The following DLST variants were observed in gnomAD, a reference collection of about 807,000 sequenced individuals.
DLST encodes the protein dihydrolipoyllysine-residue succinyltransferase component of 2-oxoglutarate dehydrogenase complex, mitochondrial.
A neutral mutation model predicts 53.1 loss-of-function variants in DLST; 17 were observed. The observed-to-expected ratio is 0.32, with a 90% CI of 0.22 to 0.48. DLST has a LOEUF of 0.48. DLST is among the 20% of genes least tolerant of loss of function. The probability of loss-of-function intolerance (pLI) is 0.99; values close to 1 mark genes in which losing one functional copy is unlikely to be tolerated. For synonymous variants in DLST, 206 were observed against 204.8 expected (o/e 1.01, Z -0.05); for missense variants, 512 against 583.9 (o/e 0.88, Z 1.27).
At chr14:74,894,974 TC>T (rs1871341763) in intron 10 of DLST, among the ~76,000 whole-genome samples, 1 of 151,960 alleles carries the variant, frequency 6.6e-6, no homozygotes, top group South Asian at 2.1e-4. Flanking sequence ...ACACCTGTAA[TC>T]CTGGCACTTT....
chr14:74,900,246 T>C, intron 12 of DLST, 43 bp from the exon 13 acceptor site: 1 of 1,560,100 alleles, frequency 6.4e-7, no homozygotes, highest in Non-Finnish European at 8.8e-7. Flanking sequence ...CTATAAAAGG[T>C]ACTATTAATT....
intron 10 of DLST, among the ~76,000 whole-genome samples, chr14:74,896,540 C>T (rs1352694530): frequency 1.3e-5 from 2 of 152,150 alleles, no homozygotes; most frequent in African/African-American, 2.4e-5. Context: ...CTTGATAGTG[C>T]GCTGTGGCAT....
intron 7 of DLST, among the ~76,000 whole-genome samples, chr14:74,892,354 C>T (rs556348346): frequency 7.2e-5 from 11 of 152,162 alleles, no homozygotes; most frequent in Middle Eastern, 3.4e-3. Context: ...GGGAGTAATC[C>T]CTTGGCCTGT....
At chr14:74,890,588 G>T (rs1883869906) in intron 6 of DLST, among the ~76,000 whole-genome samples, 1 of 152,208 alleles carries the variant, frequency 6.6e-6, no homozygotes, top group African/African-American at 2.4e-5. Context: ...TCTGAGAAAG[G>T]ACAGAAAGTG....
chr14:74,901,235 T>A lies in DLST; in HGVS notation c.1227+2T>A. ...AGGCCAGTGGCTATAGGAGGCAAGGTAGGAACCGTCACTTCTAAGGTCCTA... is the reference window on the plus strand; with the variant it reads ...AGGCCAGTGGCTATAGGAGGCAAGGAAGGAACCGTCACTTCTAAGGTCCTA... On this transcript the variant is annotated splice_donor_variant, in intron 14 of 14. Coordinates refer to ENST00000334220, the MANE Select transcript of DLST (RefSeq NM_001933.5). LOFTEE classifies it high-confidence loss of function. 6.2e-7 allele frequency: 1 copy of A among 1,613,552 alleles called. No homozygotes were observed. The highest frequency in any genetic ancestry group is 8.5e-7 in the Non-Finnish European group (1 of 1,179,816).
chr14:74,897,937 G>GTTTTT (rs1566794710), intron 10 of DLST, among the ~76,000 whole-genome samples: 1 of 144,898 alleles, frequency 6.9e-6, no homozygotes. Context: ...GATTTGGTGG[G>GTTTTT]GTTTTTTTTT....
intron 14 of DLST, 79 bp downstream of exon 14, chr14:74,901,312 A>T: frequency 7.3e-7 from 1 of 1,367,300 alleles, no homozygotes; most frequent in South Asian, 1.3e-5. Context: ...ATTGTAAAAC[A>T]TTAACTATAA....
At chr14:74,900,131 C>A in intron 12 of DLST, 135 bp downstream of exon 12, 1 of 1,078,302 alleles carries the variant, frequency 9.3e-7, no homozygotes, top group East Asian at 2.4e-5. Flanking sequence ...CCTTTTTTTT[C>A]TTTTAAACCA....
In DLST at chr14:74,891,136, C is replaced by T. The variant is rs377247171; in HGVS notation, c.411C>T (p.Gly137=). ...LVPDGGKVEG[G]TPLFTLRKTG... ...CTGATGGGGGAAAAGTCGAAGGAGG[C>T]ACTCCACTTTTCACACTCAGGAAAA... Residue 137 remains glycine (G), a synonymous_variant, in exon 7 of 15, where the codon GGC becomes GGT. Coordinates refer to ENST00000334220, the MANE Select transcript of DLST (RefSeq NM_001933.5). 1 of 1,614,130 alleles carries T rather than the reference C, an allele frequency of 6.2e-7. No individual in the cohort carries two copies. Among genetic ancestry groups the T allele is most frequent in the Non-Finnish European group, 8.5e-7 (1 of 1,179,996 alleles).
intron 10 of DLST, among the ~76,000 whole-genome samples, chr14:74,894,795 TC>T (rs1884026116): frequency 6.6e-6 from 1 of 151,866 alleles, no homozygotes; most frequent in Admixed American, 6.6e-5. Flanking sequence ...GATCTGCCCT[TC>T]TCGGCCTCCC....
At chr14:74,893,712 C>T (rs1411408159) in intron 9 of DLST, among the ~76,000 whole-genome samples, 1 of 152,120 alleles carries the variant, frequency 6.6e-6, no homozygotes, top group East Asian at 1.9e-4. Context: ...AGTAACTCAC[C>T]CCCGTCCTCC....
chr14:74,883,164 A>T (rs970884103), intron 2 of DLST, among the ~76,000 whole-genome samples: 1 of 152,034 alleles, frequency 6.6e-6, no homozygotes, highest in Non-Finnish European at 1.5e-5. Context: ...GCGTGGTGGC[A>T]GGCGCCTGTA....
chr14:74,889,995 C>G (rs1380644614), intron 6 of DLST, 43 bp downstream of exon 6: 1 of 1,571,160 alleles, frequency 6.4e-7, no homozygotes, highest in Admixed American at 1.7e-5. Flanking sequence ...ATGGGCTTCC[C>G]TTAGTTAACC....
intron 10 of DLST, among the ~76,000 whole-genome samples, chr14:74,894,652 TCTC>T (rs1884020551): frequency 2.6e-5 from 4 of 152,088 alleles, no homozygotes; most frequent in Admixed American, 2.0e-4. Context: ...TTCACGCCAT[TCTC>T]CTGCCTCAGC....
chr14:74,886,711 A>G (rs999290457), intron 3 of DLST, among the ~76,000 whole-genome samples: 6 of 151,964 alleles, frequency 3.9e-5, no homozygotes, highest in Non-Finnish European at 8.8e-5. Flanking sequence ...GCAGTTTGAT[A>G]GTCATAAGTC....
chr14:74,902,901 C>T lies in DLST; in HGVS notation c.*571C>T, dbSNP rs1285167067. On this transcript the variant is annotated 3_prime_UTR_variant, in exon 15 of 15. Transcript: ENST00000334220. ...CATTGACTTCAAGATGCCTCTTCTA[C>T]CTCTTCCAGGAAGCACAGGCCAGGG... 1.3e-5 allele frequency: 2 copies of T among 152,696 alleles called. No homozygotes were observed. The highest frequency in any genetic ancestry group is 2.9e-5 in the Non-Finnish European group (2 of 68,102). 9.5% of individuals were successfully genotyped at this position (152,696 alleles called of 1,614,324 possible).
intron 2 of DLST, among the ~76,000 whole-genome samples, chr14:74,884,234 A>G (rs542175850): frequency 6.6e-6 from 1 of 152,354 alleles, no homozygotes; most frequent in African/African-American, 2.4e-5. Context: ...AGTGGGCTGG[A>G]CGGTACAGGA....
At chr14:74,900,922 C>CA (rs1451511544) in intron 13 of DLST, 144 bp from the exon 14 acceptor site, 3 of 771,164 alleles carry the variant, frequency 3.9e-6, no homozygotes, top group African/African-American at 1.8e-5. Flanking sequence ...ATGGGGGTCT[C>CA]ACTATGTTGC....
At chr14:74,888,891 T>G (rs1455538660) in intron 3 of DLST, among the ~76,000 whole-genome samples, 1 of 152,172 alleles carries the variant, frequency 6.6e-6, no homozygotes, top group South Asian at 2.1e-4. Flanking sequence ...GTCGTTAGGC[T>G]CTACTCCAGA....
Sources: allele counts gnomAD v4.1 joint callset (sites outside exome capture counted in the v4.1 genomes callset), GRCh38; gene constraint gnomAD v4.1.1; transcripts MANE v1.5; gene names NCBI Gene and HGNC (gene_info 2026-07-23, HGNC 2026-07-21).